Variants in PEX5 observed in about 807,000 individuals in gnomAD.
PEX5 encodes the protein peroxisomal biogenesis factor 5.
Under a neutral mutation model 82.9 loss-of-function variants are expected in PEX5, and 52 were observed. The observed-to-expected ratio is 0.63, with a 90% CI of 0.50 to 0.79. The LOEUF is 0.79. Ranked by LOEUF, PEX5 falls within the 30% of genes least tolerant of loss-of-function variation. PEX5 has a pLI of 0.00. For synonymous variants in PEX5, 300 were observed against 318.8 expected (o/e 0.94, Z 0.63); for missense variants, 719 against 815.2 (o/e 0.88, Z 1.44).
chr12:7,213,308 A>C (rs992746757), downstream of PEX5, among the ~76,000 whole-genome samples: 1 of 151,980 alleles, frequency 6.6e-6, no homozygotes, highest in African/African-American at 2.4e-5. Context: ...GAGGCATCAC[A>C]CTACCTGACT....
chr12:7,207,062 A>C (rs1944897744), intron 10 of PEX5, among the ~76,000 whole-genome samples: 1 of 152,146 alleles, frequency 6.6e-6, no homozygotes, highest in African/African-American at 2.4e-5. Flanking sequence ...GGATTTTGGG[A>C]TCCAGCTTTT....
chr12:7,191,857 G>A (rs1475727562), intron 5 of PEX5, among the ~76,000 whole-genome samples, 157 bp downstream of exon 5: 2 of 152,150 alleles, frequency 1.3e-5, no homozygotes, highest in Non-Finnish European at 2.9e-5. Flanking sequence ...AGGTGATAAC[G>A]GAATGTAATG....
In PEX5 at chr12:7,190,351, G is replaced by T. The variant is rs762763827; in HGVS notation, c.-16-11G>T. 2 of 1,613,940 alleles carry T rather than the reference G, an allele frequency of 1.2e-6. No homozygotes were observed. Among genetic ancestry groups the T allele is most frequent in the South Asian group, 1.1e-5 (1 of 91,074 alleles). On this transcript the variant is annotated splice_polypyrimidine_tract_variant and intron_variant, in intron 1 of 15. Coordinates refer to ENST00000675855, the MANE Select transcript of PEX5 (RefSeq NM_001351132.2). ...TGGGTACCTCAGTTCCAAACCTCCT[G>T]TGTCCATCAGAGAGCTGGCGGTCAC...
chr12:7,206,233 C>T (rs766268204), intron 10 of PEX5, among the ~76,000 whole-genome samples: 15 of 152,308 alleles, frequency 9.8e-5, no homozygotes, highest in African/African-American at 2.6e-4. Context: ...ATGGTTTTAA[C>T]ATTTTTAAAT....
chr12:7,192,665 C>G (rs758634771), intron 5 of PEX5, among the ~76,000 whole-genome samples: 1 of 152,072 alleles, frequency 6.6e-6, no homozygotes, highest in Non-Finnish European at 1.5e-5. Flanking sequence ...TCCAGGATCT[C>G]GGGGAGTCAC....
chr12:7,193,975 T>C (rs1941643986), intron 5 of PEX5, among the ~76,000 whole-genome samples: 1 of 152,340 alleles, frequency 6.6e-6, no homozygotes, highest in South Asian at 2.1e-4. Context: ...AAATGTCTTA[T>C]TGCAGCAGTA....
chr12:7,197,418 T>TAATTA (rs1555176221), intron 5 of PEX5, among the ~76,000 whole-genome samples: 4,627 of 28,748 alleles, frequency 0.16, 79 homozygotes, highest in Non-Finnish European at 0.3. Flanking sequence ...TACAATGTAA[T>TAATTA]TATATGTCAT....
chr12:7,198,899 G>A lies in PEX5; in HGVS notation c.449-112G>A, dbSNP rs140366948. 5,653 of 657,852 alleles carry A rather than the reference G, an allele frequency of 8.6e-3. 38 individuals carry two copies. Among genetic ancestry groups the A allele is most frequent in the Non-Finnish European group, 0.012 (4,318 of 355,174 alleles). 40.8% of individuals were successfully genotyped at this position (657,852 alleles called of 1,614,324 possible). On this transcript the variant is annotated intron_variant, in intron 5 of 15. Transcript: ENST00000675855. ...TTTCTGAGGGAGTCAGCAGAGTTTT[G>A]TCTGCTTTGGTGTGGCTAAGAGGGT...
At chr12:7,200,745 T>A (rs1333219809) in intron 6 of PEX5, among the ~76,000 whole-genome samples, 4 of 151,908 alleles carry the variant, frequency 2.6e-5, no homozygotes, top group African/African-American at 7.3e-5. Context: ...CGAAAACCAG[T>A]CAGGCATGGC....
chr12:7,189,138 G>GGGCCCC (rs1940425350), upstream of PEX5: 1 of 152,122 alleles, frequency 6.6e-6, no homozygotes, highest in Non-Finnish European at 1.5e-5. Context: ...AGGCGGGGGC[G>GGGCCCC]GGCCCCTGTC....
intron 5 of PEX5, among the ~76,000 whole-genome samples, chr12:7,197,537 AATT>A (rs1250975939): frequency 8.1e-6 from 1 of 123,856 alleles, no homozygotes; most frequent in Non-Finnish European, 1.7e-5. Context: ...TATATAATGT[AATT>A]ATATATGTTA....
At chr12:7,192,764 T>G (rs1941389478) in intron 5 of PEX5, among the ~76,000 whole-genome samples, 1 of 152,194 alleles carries the variant, frequency 6.6e-6, no homozygotes, top group East Asian at 1.9e-4. Context: ...TCTTTCTTCG[T>G]TTGCTACAGA....
intron 1 of PEX5, chr12:7,190,005 G>T (rs1450851199): frequency 6.6e-7 from 1 of 1,504,594 alleles, no homozygotes; most frequent in East Asian, 2.5e-5. Context: ...TTTTCCCACT[G>T]TCCCTTCTTC....
At chr12:7,189,091 G>A (rs1940418879), upstream of PEX5, 2 of 152,192 alleles carry the variant, frequency 1.3e-5, no homozygotes, top group Non-Finnish European at 2.9e-5. Context: ...ATCATGCAGT[G>A]CTATTTTCCC....
rs775001050 is a variant in PEX5, at chr12:7,208,634, C to A, written c.1359C>A (p.Gly453=). Residue 453 remains glycine (G), a synonymous_variant, in exon 13 of 16, where the codon GGC becomes GGA. Transcript: ENST00000675855. ...AAGGGGCTGGTGGGGCAGGACTGGG[C>A]CCCAGCAAGCGTATCCTGGGATCTC... ...AEEGAGGAGL[G]PSKRILGSLL... 2 of 1,613,866 alleles carry A rather than the reference C, an allele frequency of 1.2e-6. No homozygotes were observed. The highest frequency in any genetic ancestry group is 1.3e-5 in the African/African-American group (1 of 74,982).
In PEX5 at chr12:7,209,056, C is replaced by T. The variant is rs1381122231; in HGVS notation, c.1446C>T (p.Asp482=). 1 of 1,614,014 alleles carries T rather than the reference C, an allele frequency of 6.2e-7. No homozygotes were observed. Among genetic ancestry groups the T allele is most frequent in the East Asian group, 2.2e-5 (1 of 44,896 alleles). Residue 482 remains aspartate, a synonymous_variant, in exon 14 of 16, where the codon GAC becomes GAT. Coordinates refer to ENST00000675855, the MANE Select transcript of PEX5 (RefSeq NM_001351132.2). ...KELFLAAVRL[D]PTSIDPDVQC... ...TCTTCCTGGCAGCTGTGCGGCTGGA[C>T]CCTACCTCCATTGACCCTGATGTGC...
chr12:7,190,765 C>T, intron 2 of PEX5, 123 bp from the exon 3 acceptor site: 1 of 1,302,564 alleles, frequency 7.7e-7, no homozygotes, highest in Non-Finnish European at 1.1e-6. Context: ...AAACCCTGTG[C>T]ACCTTTAAAT....
At chr12:7,197,051 TTATA>T (rs747246394) in intron 5 of PEX5, among the ~76,000 whole-genome samples, 1 of 41,248 alleles carries the variant, frequency 2.4e-5, no homozygotes, top group African/African-American at 7.1e-5. Flanking sequence ...TATAATGTAA[TTATA>T]TATGTCACAT....
At chr12:7,208,967 T>C in intron 13 of PEX5, 38 bp from the exon 14 acceptor site, 1 of 1,579,248 alleles carries the variant, frequency 6.3e-7, no homozygotes, top group Non-Finnish European at 8.7e-7. Flanking sequence ...ATAGAGACAT[T>C]CATCTACCTA....
Sources: gnomAD v4.1 joint callset for allele counts (sites outside exome capture counted in the v4.1 genomes callset) on GRCh38, gnomAD v4.1.1 for gene constraint, MANE v1.5 for transcripts, NCBI Gene and HGNC (gene_info 2026-07-23, HGNC 2026-07-21) for gene names.